MCPH1: variants seen among roughly 807,000 people sequenced by gnomAD.
MCPH1 encodes the protein microcephalin.
A neutral mutation model predicts 84.5 loss-of-function variants in MCPH1; 104 were observed. The ratio of observed to expected loss-of-function variants is 1.23; its 90% confidence interval spans 1.05 to 1.45. The LOEUF (loss-of-function observed/expected upper bound fraction) is 1.45, where lower values mean the gene tolerates loss of function less well. Among genes scored for constraint, MCPH1 ranks in the 40% most tolerant of loss-of-function variants. MCPH1 has a pLI of 0.00. For synonymous variants in MCPH1, 514 were observed against 366.8 expected (o/e 1.40, Z -4.58); for missense variants, 1,498 against 1,005.7 (o/e 1.49, Z -6.62).
intron 12 of MCPH1, among the ~76,000 whole-genome samples, chr8:6,536,972 G>GAAAAAA (rs58686747): frequency 9.8e-6 from 1 of 102,284 alleles, no homozygotes; most frequent in Non-Finnish European, 2.0e-5. Flanking sequence ...CTTAGTACAA[G>GAAAAAA]AAAAAAAAAA....
At chr8:6,623,054 TG>T (rs1831639470) in intron 13 of MCPH1, among the ~76,000 whole-genome samples, 1 of 147,082 alleles carries the variant, frequency 6.8e-6, no homozygotes, top group African/African-American at 2.5e-5. Context: ...GGTCTCCCTA[TG>T]TTGCCCAGGA....
chr8:6,511,309 G>A (rs574108043), intron 12 of MCPH1, among the ~76,000 whole-genome samples: 3 of 151,400 alleles, frequency 2.0e-5, no homozygotes, highest in East Asian at 3.9e-4. Context: ...TTCAATCTCT[G>A]CAGCTTTGCC....
intron 11 of MCPH1, among the ~76,000 whole-genome samples, chr8:6,497,580 A>G (rs1335353981): frequency 1.3e-5 from 2 of 152,164 alleles, no homozygotes; most frequent in African/African-American, 2.4e-5. Context: ...ATCATAATAT[A>G]TGCTTTTCAC....
rs369404477 is a variant in MCPH1 at position 6,561,006 on chromosome 8, C to T, written c.2215-60448C>T. Among the ~76,000 whole-genome samples, 77 of 152,306 alleles carry T rather than the reference C, an allele frequency of 5.1e-4. 1 individual carries two copies. The South Asian group carries it at 0.015, about 30-fold the overall frequency. On this transcript the variant is annotated intron_variant, in intron 12 of 13. Transcript: ENST00000344683. ...TTCATGCCTCGCTGTGACTCTGTAA[C>T]CACGGTGGATGTGGGAAAGCCATTA...
intron 12 of MCPH1, chr8:6,513,907 G>A (rs1563324003): frequency 6.9e-7 from 1 of 1,440,432 alleles, no homozygotes. Flanking sequence ...ATTTGAAGTG[G>A]ATAGTCCGTC....
rs116902945 is a variant in MCPH1, at chr8:6,567,452, C to T, written c.2215-54002C>T. ...TGCCTCGGCTCAGCCTTCTGTGTGG[C>T]TGCTTACAGGGGCTTACTAACGGGA... is the stretch of plus-strand genomic sequence containing the variant. On this transcript the variant is annotated intron_variant, in intron 12 of 13. Transcript: ENST00000344683. 3.8e-4 allele frequency among the ~76,000 whole-genome samples: 58 copies of T among 152,334 alleles called. No individual in the cohort carries two copies. The East Asian group carries it at 9.7e-3, about 25-fold the overall frequency.
intron 12 of MCPH1, among the ~76,000 whole-genome samples, chr8:6,543,303 C>A (rs1475187146): frequency 6.6e-6 from 1 of 152,194 alleles, no homozygotes; most frequent in African/African-American, 2.4e-5. Context: ...CCGCCGTCCG[C>A]AAATGTGTTT....
At chr8:6,526,045 A>G (rs1341276292) in intron 12 of MCPH1, among the ~76,000 whole-genome samples, 1 of 152,128 alleles carries the variant, frequency 6.6e-6, no homozygotes, top group Non-Finnish European at 1.5e-5. Context: ...ATAACAGGCA[A>G]GAGAAAAGTA....
chr8:6,617,932 T>TATCTATCTATCC (rs1226868589), intron 12 of MCPH1, among the ~76,000 whole-genome samples: 1 of 151,884 alleles, frequency 6.6e-6, no homozygotes, highest in Non-Finnish European at 1.5e-5. Flanking sequence ...TCTATCTATC[T>TATCTATCTATCC]ATCTATCTAT....
rs755862917 is a variant in MCPH1, at chr8:6,431,567, C to G, written c.302C>G (p.Ser101Ter). 1.9e-6 allele frequency: 3 copies of G among 1,610,694 alleles called. No homozygotes were observed. Among genetic ancestry groups the G allele is most frequent in the Admixed American group, 3.3e-5 (2 of 59,902 alleles). The stretch of plus-strand genomic sequence containing the variant: ...GCAGCTAATATGAATGAACACTTAT[C>G]AAGCCTAATTAAAAAAAAAGTAAGT... ...FPAANMNEHL[S>*]SLIKKKRKCM... is the part of the protein sequence containing the mutation. Residue 101 changes from serine (S) to a stop codon, truncating the protein, a stop_gained, in exon 4 of 14, where the codon TCA becomes TGA. Coordinates refer to ENST00000344683, the MANE Select transcript of MCPH1 (RefSeq NM_024596.5). LOFTEE classifies it high-confidence loss of function.
chr8:6,498,206 T>G (rs1811497653), intron 11 of MCPH1, among the ~76,000 whole-genome samples: 1 of 152,280 alleles, frequency 6.6e-6, no homozygotes, highest in African/African-American at 2.4e-5. Context: ...CAGCGGATGC[T>G]GAATTCACTC....
At chr8:6,581,231 A>C (rs966837182) in intron 12 of MCPH1, among the ~76,000 whole-genome samples, 2 of 152,242 alleles carry the variant, frequency 1.3e-5, no homozygotes, top group Non-Finnish European at 2.9e-5. Context: ...CTAGTGTTCC[A>C]TTAGTGGAAT....
rs1798049481 is a variant in MCPH1 at position 6,643,247 on chromosome 8, C to T, written c.*198C>T. On this transcript the variant is annotated 3_prime_UTR_variant, in exon 14 of 14. Transcript: ENST00000344683. ...CTGAATGTCTGTTTCAGAGACGCTT[C>T]GGGCCTTTTTATTTTTATTTTATTT... 1.1e-5 allele frequency: 7 copies of T among 615,340 alleles called. No individual in the cohort carries two copies. Among genetic ancestry groups the T allele is most frequent in the South Asian group, 2.0e-5 (1 of 50,636 alleles). 38.1% of individuals were successfully genotyped at this position (615,340 alleles called of 1,614,324 possible).
At chr8:6,496,380 C>T (rs1436054370) in intron 11 of MCPH1, among the ~76,000 whole-genome samples, 4 of 152,174 alleles carry the variant, frequency 2.6e-5, no homozygotes, top group African/African-American at 4.8e-5. Flanking sequence ...AGGCTTCCTT[C>T]ACTGGTTCAC....
intron 5 of MCPH1, among the ~76,000 whole-genome samples, chr8:6,436,736 G>T (rs757873012): frequency 6.6e-6 from 1 of 151,630 alleles, no homozygotes; most frequent in Non-Finnish European, 1.5e-5. Context: ...TTGGGAGGCA[G>T]AGGCGGGCGG....
intron 12 of MCPH1, chr8:6,527,678 TA>T: frequency 6.9e-6 from 11 of 1,600,904 alleles, no homozygotes; most frequent in Non-Finnish European, 9.4e-6. Context: ...ATTTAATACC[TA>T]AATGTAACAA....
At chr8:6,617,617 A>ATGTG (rs752045579) in intron 12 of MCPH1, among the ~76,000 whole-genome samples, 2 of 151,024 alleles carry the variant, frequency 1.3e-5, no homozygotes, top group African/African-American at 4.9e-5. Flanking sequence ...GGGTGTGTGC[A>ATGTG]TGTGTGTGTG....
intron 12 of MCPH1, among the ~76,000 whole-genome samples, chr8:6,599,862 T>C (rs920837320): frequency 2.6e-5 from 4 of 152,258 alleles, no homozygotes; most frequent in Non-Finnish European, 5.9e-5. Context: ...CCAATTTTTG[T>C]AATTATGTAC....
intron 12 of MCPH1, among the ~76,000 whole-genome samples, chr8:6,614,299 C>G (rs1830583026): frequency 6.6e-6 from 1 of 152,176 alleles, no homozygotes; most frequent in Non-Finnish European, 1.5e-5. Flanking sequence ...GTCAGGTGCC[C>G]CAGGTTTCAG....
Sources: allele counts gnomAD v4.1 joint callset (sites outside exome capture counted in the v4.1 genomes callset), GRCh38; gene constraint gnomAD v4.1.1; transcripts MANE v1.5; gene names NCBI Gene and HGNC (gene_info 2026-07-23, HGNC 2026-07-21).